PRIMA1: variants seen among roughly 807,000 people sequenced by gnomAD.
PRIMA1 encodes proline rich membrane anchor 1, also known as proline-rich membrane anchor 1.
Under a neutral mutation model 17.5 loss-of-function variants are expected in PRIMA1, and 7 were observed. The ratio of observed to expected loss-of-function variants is 0.40; its 90% CI spans 0.23 to 0.75. The LOEUF (loss-of-function observed/expected upper bound fraction) is 0.75. Ranked by LOEUF, PRIMA1 falls within the 30% of genes least tolerant of loss-of-function variation. The pLI, the probability that PRIMA1 is intolerant of heterozygous loss-of-function variation, is 0.37. For missense variants in PRIMA1, 200 were observed against 201.8 expected (o/e 0.99, Z 0.05); for synonymous variants, 97 against 77.9 (o/e 1.25, Z -1.29).
At chr14:93,754,023 T>G (rs2076276255) in intron 3 of PRIMA1, among the ~76,000 whole-genome samples, 1 of 152,248 alleles carries the variant, frequency 6.6e-6, no homozygotes, top group Non-Finnish European at 1.5e-5. Flanking sequence ...TGTTTGTTAC[T>G]TGCCATCTGC....
intron 4 of PRIMA1, among the ~76,000 whole-genome samples, chr14:93,732,987 G>T (rs2076125018): frequency 6.6e-6 from 1 of 152,158 alleles, no homozygotes; most frequent in African/African-American, 2.4e-5. Flanking sequence ...AGCACCCAAG[G>T]GCTCTGGGGC....
At chr14:93,756,236 A>T in intron 3 of PRIMA1, among the ~76,000 whole-genome samples, 1 of 152,000 alleles carries the variant, frequency 6.6e-6, no homozygotes, top group African/African-American at 2.4e-5. Context: ...TTTAAATACC[A>T]TTTCTTTTCT....
At chr14:93,752,352 A>AC (rs963257210) in intron 3 of PRIMA1, among the ~76,000 whole-genome samples, 10 of 150,120 alleles carry the variant, frequency 6.7e-5, no homozygotes, top group East Asian at 2.0e-4. Flanking sequence ...CAGGAGGGAG[A>AC]CCCCCCCGCC....
intron 4 of PRIMA1, 48 bp from the exon 5 acceptor site, chr14:93,721,594 G>A: frequency 8.7e-7 from 1 of 1,152,082 alleles, no homozygotes; most frequent in Non-Finnish European, 1.3e-6. Flanking sequence ...GGGGAGGCAG[G>A]GACACCATTA....
At chr14:93,762,547 C>T (rs981093129) in intron 3 of PRIMA1, among the ~76,000 whole-genome samples, 1 of 152,096 alleles carries the variant, frequency 6.6e-6, no homozygotes, top group Non-Finnish European at 1.5e-5. Flanking sequence ...CCATCCGGAA[C>T]CCAACCATTC....
intron 4 of PRIMA1, 108 bp from the exon 5 acceptor site, chr14:93,721,654 G>A (rs2076039635): frequency 2.9e-6 from 2 of 690,356 alleles, no homozygotes; most frequent in African/African-American, 1.7e-5. Flanking sequence ...CCTGCTCCGT[G>A]AGAGTGTCAG....
chr14:93,777,318 T>A (rs896554458), intron 3 of PRIMA1, among the ~76,000 whole-genome samples: 1 of 150,746 alleles, frequency 6.6e-6, no homozygotes, highest in Non-Finnish European at 1.5e-5. Context: ...CCAACCTGAT[T>A]AGCAACCTGG....
At chr14:93,788,040 C>T (rs1267259061) in intron 1 of PRIMA1, among the ~76,000 whole-genome samples, 1 of 152,184 alleles carries the variant, frequency 6.6e-6, no homozygotes, top group African/African-American at 2.4e-5. Context: ...CCTCCAGAAA[C>T]AGCCAAGCAC....
intron 2 of PRIMA1, among the ~76,000 whole-genome samples, chr14:93,785,159 A>G (rs1412805899): frequency 7.3e-6 from 1 of 136,252 alleles, no homozygotes; most frequent in Non-Finnish European, 1.5e-5. Flanking sequence ...CACCTAATAA[A>G]TTTGCCAGCC....
At chr14:93,766,107 G>A (rs1411318180) in intron 3 of PRIMA1, among the ~76,000 whole-genome samples, 1 of 152,130 alleles carries the variant, frequency 6.6e-6, no homozygotes, top group Non-Finnish European at 1.5e-5. Context: ...AAGGCACAGT[G>A]GCTGTAGATT....
intron 3 of PRIMA1, among the ~76,000 whole-genome samples, chr14:93,756,643 C>G (rs922578729): frequency 5.3e-5 from 8 of 152,266 alleles, no homozygotes; most frequent in African/African-American, 1.9e-4. Flanking sequence ...AGCATCGGCC[C>G]CAGCACGTCC....
intron 3 of PRIMA1, among the ~76,000 whole-genome samples, chr14:93,762,434 C>G (rs945688688): frequency 6.6e-6 from 1 of 151,944 alleles, no homozygotes; most frequent in African/African-American, 2.4e-5. Flanking sequence ...CAATCCCAGG[C>G]CCACTCCAGG....
intron 3 of PRIMA1, among the ~76,000 whole-genome samples, chr14:93,755,491 G>GT (rs1420658182): frequency 6.6e-6 from 1 of 152,140 alleles, no homozygotes; most frequent in Non-Finnish European, 1.5e-5. Context: ...AACTAACTGA[G>GT]TAGGAAAACC....
chr14:93,782,634 C>T (rs1885415895), intron 2 of PRIMA1, among the ~76,000 whole-genome samples: 1 of 152,060 alleles, frequency 6.6e-6, no homozygotes, highest in Admixed American at 6.5e-5. Context: ...CAAAACAAAA[C>T]AAAAAAATCA....
chr14:93,733,498 G>A (rs1224625918), intron 4 of PRIMA1, among the ~76,000 whole-genome samples: 1 of 152,094 alleles, frequency 6.6e-6, no homozygotes, highest in Admixed American at 6.5e-5. Flanking sequence ...GCCGAGGCCC[G>A]TGTCCCGGCA....
chr14:93,774,777 G>A (rs1399853092), intron 3 of PRIMA1, among the ~76,000 whole-genome samples: 2 of 152,162 alleles, frequency 1.3e-5, no homozygotes, highest in African/African-American at 4.8e-5. Flanking sequence ...TCATCAGAAC[G>A]CTTTCCACAG....
chr14:93,745,626 G>C (rs2076212363), intron 3 of PRIMA1, among the ~76,000 whole-genome samples: 1 of 152,198 alleles, frequency 6.6e-6, no homozygotes, highest in South Asian at 2.1e-4. Flanking sequence ...TCTGCCCTCT[G>C]AGTGGCCACA....
intron 3 of PRIMA1, among the ~76,000 whole-genome samples, chr14:93,748,051 T>TGG (rs1283950685): frequency 7.1e-6 from 1 of 141,102 alleles, no homozygotes; most frequent in Non-Finnish European, 1.6e-5. Context: ...TGTGTGAGTG[T>TGG]GTGTATGTGA....
intron 3 of PRIMA1, among the ~76,000 whole-genome samples, chr14:93,765,670 C>T (rs1414866061): frequency 1.3e-5 from 2 of 152,042 alleles, no homozygotes; most frequent in African/African-American, 4.8e-5. Flanking sequence ...CAGGTGTTAG[C>T]TGCTGAATCA....
Sources: allele counts gnomAD v4.1 joint callset (sites outside exome capture counted in the v4.1 genomes callset), GRCh38; gene constraint gnomAD v4.1.1; transcripts MANE v1.5; gene names NCBI Gene and HGNC (gene_info 2026-07-23, HGNC 2026-07-21).